The following TCOF1 variants were observed in gnomAD, a reference collection of about 807,000 sequenced individuals.
TCOF1 encodes treacle ribosome biogenesis factor 1, also known as treacle protein.
Under a neutral mutation model 149.0 loss-of-function variants are expected in TCOF1, and 33 were observed. The observed-to-expected ratio is 0.22, with a 90% CI of 0.17 to 0.30. TCOF1 has a LOEUF of 0.30. Ranked by LOEUF, TCOF1 falls within the 10% of genes least tolerant of loss-of-function variation. TCOF1 has a pLI of 1.00. For synonymous variants in TCOF1, 789 were observed against 738.8 expected (o/e 1.07, Z -1.10); for missense variants, 1,728 against 1,840.7 (o/e 0.94, Z 1.12).
chr5:150,393,563 G>T lies in TCOF1; in HGVS notation c.3784+11G>T. On this transcript the variant is annotated intron_variant, in intron 23 of 26. Transcript: ENST00000643257. ...TGTCCCCTAAAACAGGTAAGTTAAGGTCTGCAGGAGGGACATAGCAGGACA... is the reference window on the plus strand; with the variant it reads ...TGTCCCCTAAAACAGGTAAGTTAAGTTCTGCAGGAGGGACATAGCAGGACA... 6.2e-7 allele frequency: 1 copy of T among 1,614,108 alleles called. No homozygotes were observed. The highest frequency in any genetic ancestry group is 8.5e-7 in the Non-Finnish European group (1 of 1,180,010).
At chr5:150,380,554 G>T (rs1184812172) in intron 17 of TCOF1, 2 of 152,338 alleles carry the variant, frequency 1.3e-5, no homozygotes, top group Non-Finnish European at 2.9e-5. Flanking sequence ...GCAAAGCCTG[G>T]ACCCTGGAGA....
At position 150,396,323 on chromosome 5, in the gene TCOF1, C is replaced by T. The variant is rs768512539; in HGVS notation, c.3826C>T (p.Arg1276Trp). The change falls in exon 24 of 27, where the codon CGG becomes TGG. Residue 1276 changes from arginine (R) to tryptophan (W), a missense_variant. Physicochemically the swap from Arg to Trp is moderately radical, Grantham distance 101. This residue lies in a region of TCOF1 where 1,696 missense variants were observed against 1,765.4 expected (regional missense o/e 0.96). Coordinates refer to ENST00000643257, the MANE Select transcript of TCOF1 (RefSeq NM_001371623.1). ...TTCAGGCACCACACCTCAGAAGTCC[C>T]GGAAGCCCAAGAAAGGGGCTGGGAA... is the stretch of plus-strand genomic sequence containing the variant. ...AASGTTPQKS[R>W]KPKKGAGNPQ... The T allele has an allele frequency of 1.9e-5, 31 of 1,613,838 alleles. No individual in the cohort carries two copies. Among genetic ancestry groups the T allele is most frequent in the South Asian group, 1.3e-4 (12 of 91,088 alleles).
At chr5:150,385,055 T>G (rs1766001983) in intron 17 of TCOF1, 2 of 985,416 alleles carry the variant, frequency 2.0e-6, no homozygotes, top group Non-Finnish European at 2.4e-6. Flanking sequence ...GCTTCCAGAT[T>G]TAAAAACAAG....
rs1562340217 is a variant in TCOF1 at position 150,374,590 on chromosome 5, CTGTCTCCCCT to C, written c.1084-21_1084-12del. 1 of 1,612,512 alleles carries C rather than the reference CTGTCTCCCCT, an allele frequency of 6.2e-7. No homozygotes were observed. The highest frequency in any genetic ancestry group is 1.7e-5 in the Admixed American group (1 of 60,010). ...TCTCCTCACACGTCCATCCTCTGGG[CTGTCTCCCCT>C]TGTCTTGTTTCTCCAGGCGAAGGCC... On this transcript the variant is annotated splice_polypyrimidine_tract_variant and intron_variant, in intron 8 of 26. Transcript: ENST00000643257.
chr5:150,363,845 T>C (rs1219491185), intron 2 of TCOF1, among the ~76,000 whole-genome samples: 1 of 152,222 alleles, frequency 6.6e-6, no homozygotes, highest in East Asian at 1.9e-4. Context: ...CTCCTATCAC[T>C]TAAAGACTGG....
intron 2 of TCOF1, 142 bp from the exon 3 acceptor site, chr5:150,363,971 C>T (rs535666260): frequency 4.1e-4 from 483 of 1,186,582 alleles, no homozygotes; most frequent in Middle Eastern, 1.3e-3. Flanking sequence ...CAAAATTGTG[C>T]CTATACTGTG....
intron 17 of TCOF1, among the ~76,000 whole-genome samples, chr5:150,386,592 G>A (rs947229487): frequency 1.3e-5 from 2 of 151,362 alleles, no homozygotes; most frequent in African/African-American, 4.8e-5. Context: ...CAGGCTCAGG[G>A]GGTAAACAGG....
chr5:150,379,475 G>C, intron 16 of TCOF1, 57 bp from the exon 17 acceptor site: 1 of 1,614,114 alleles, frequency 6.2e-7, no homozygotes, highest in Non-Finnish European at 8.5e-7. Context: ...TCCAGCTCCT[G>C]TCTTCTCACA....
rs1451144003 is a variant in TCOF1 at position 150,379,422 on chromosome 5, A to T, written c.2658+14A>T. 6 of 1,613,044 alleles carry T rather than the reference A, an allele frequency of 3.7e-6. No individual in the cohort carries two copies. The highest frequency in any genetic ancestry group is 5.1e-6 in the Non-Finnish European group (6 of 1,179,792). On this transcript the variant is annotated intron_variant, in intron 16 of 26. Coordinates refer to ENST00000643257, the MANE Select transcript of TCOF1 (RefSeq NM_001371623.1). ...ACGCTGGCTCAGGTGAGGGGGAGGG[A>T]ATGGAGATCATCCCCTACATGGGAT...
At chr5:150,369,296 T>C (rs1423587132) in intron 5 of TCOF1, among the ~76,000 whole-genome samples, 4 of 152,238 alleles carry the variant, frequency 2.6e-5, no homozygotes, top group African/African-American at 9.6e-5. Context: ...TGGTGCATAT[T>C]TGTTGGGTCC....
At chr5:150,371,951 C>A in intron 6 of TCOF1, 55 bp from the exon 7 acceptor site, 1 of 1,519,604 alleles carries the variant, frequency 6.6e-7, no homozygotes, top group Non-Finnish European at 9.1e-7. Flanking sequence ...AATACAGAAC[C>A]TTAGGGGGAA....
rs375787737 is a variant in TCOF1 at position 150,374,261 on chromosome 5, C to G, written c.958C>G (p.Pro320Ala). ...TGGGAAAGGGGCTACCCCAGCACCC[C>G]CTGGGAAGGCAGGGGCTGTAGCCTC... The part of the protein sequence containing the change: ...TPGKGATPAP[P>A]GKAGAVASQT... Residue 320 changes from proline to alanine, a missense_variant, in exon 8 of 27, where the codon CCT becomes GCT. By Grantham distance (27) the Pro-to-Ala change is conservative. Around this residue, in one of 2 missense-constraint regions of TCOF1, gnomAD observed 1,696 missense variants for 1,765.4 expected, o/e 0.96. Coordinates refer to ENST00000643257, the MANE Select transcript of TCOF1 (RefSeq NM_001371623.1). 6.2e-7 allele frequency: 1 copy of G among 1,606,952 alleles called. No homozygotes were observed. The highest frequency in any genetic ancestry group is 8.5e-7 in the Non-Finnish European group (1 of 1,176,610).
intron 15 of TCOF1, 38 bp downstream of exon 15, chr5:150,379,080 T>C: frequency 3.1e-6 from 5 of 1,613,702 alleles, no homozygotes; most frequent in Non-Finnish European, 4.2e-6. Flanking sequence ...TGTGGAGGGT[T>C]GGGGTAGAGA....
intron 6 of TCOF1, among the ~76,000 whole-genome samples, chr5:150,371,625 C>CT (rs1211355796): frequency 6.6e-6 from 1 of 152,172 alleles, no homozygotes; most frequent in South Asian, 2.1e-4. Context: ...CTCAGGAGGG[C>CT]TGCTGTGATC....
intron 17 of TCOF1, among the ~76,000 whole-genome samples, chr5:150,382,514 C>T (rs1765440280): frequency 6.6e-6 from 1 of 152,226 alleles, no homozygotes; most frequent in African/African-American, 2.4e-5. Flanking sequence ...AAGGGGGGCC[C>T]CCATTCCAAT....
chr5:150,364,478 C>T (rs1350263648), intron 3 of TCOF1, among the ~76,000 whole-genome samples: 1 of 152,214 alleles, frequency 6.6e-6, no homozygotes, highest in Non-Finnish European at 1.5e-5. Flanking sequence ...CAGATGGGCC[C>T]TTCCAGTCTC....
At chr5:150,364,003 TA>T (rs1760734209) in intron 2 of TCOF1, 109 bp from the exon 3 acceptor site, 4 of 1,518,054 alleles carry the variant, frequency 2.6e-6, no homozygotes, top group Non-Finnish European at 3.6e-6. Context: ...GTTTAGATTC[TA>T]TGCACATTGC....
In TCOF1 at chr5:150,375,492, A is replaced by G; in HGVS notation, c.1642A>G (p.Ser548Gly). 1 of 1,614,212 alleles carries G rather than the reference A, an allele frequency of 6.2e-7. No homozygotes were observed. Among genetic ancestry groups the G allele is most frequent in the South Asian group, 1.1e-5 (1 of 91,088 alleles). ...VGKWEEDSES[S>G]SEESSDSSDG... is the part of the protein sequence containing the mutation. ...GAAGTGGGAGGAGGACTCAGAGAGC[A>G]GTAGTGAGGAGTCATCAGACAGCAG... is the stretch of plus-strand genomic sequence containing the variant. Residue 548 changes from serine (S) to glycine (G), a missense_variant, in exon 11 of 27, where the codon AGT becomes GGT. Ser to Gly is a moderately conservative substitution (Grantham distance 56). Coordinates refer to ENST00000643257, the MANE Select transcript of TCOF1 (RefSeq NM_001371623.1).
At chr5:150,362,485 C>T (rs1349966999) in intron 2 of TCOF1, among the ~76,000 whole-genome samples, 2 of 152,128 alleles carry the variant, frequency 1.3e-5, no homozygotes, top group African/African-American at 2.4e-5. Context: ...ATAGTGCGTT[C>T]TCTGAGGCCC....
Sources: allele counts gnomAD v4.1 joint callset (sites outside exome capture counted in the v4.1 genomes callset), GRCh38; gene constraint gnomAD v4.1.1; regional missense constraint gnomAD v4.1.1; transcripts MANE v1.5; gene names NCBI Gene and HGNC (gene_info 2026-07-23, HGNC 2026-07-21).